The following ST8SIA5 variants were observed in gnomAD, a reference collection of about 807,000 sequenced individuals.
ST8SIA5 encodes the protein alpha-2,8-sialyltransferase 8E.
In ST8SIA5, 24 loss-of-function variants were observed where a neutral mutation model predicts 40.2. The ratio of observed to expected loss-of-function variants is 0.60; its 90% CI spans 0.43 to 0.84. ST8SIA5 has a LOEUF of 0.84. Ranked by LOEUF, ST8SIA5 falls within the 40% of genes least tolerant of loss-of-function variation. The pLI is 0.00. For missense variants in ST8SIA5, 465 were observed against 498.5 expected (o/e 0.93, Z 0.64); for synonymous variants, 198 against 201.8 (o/e 0.98, Z 0.16).
intron 4 of ST8SIA5, among the ~76,000 whole-genome samples, chr18:46,687,096 G>T (rs1440556764): frequency 6.6e-6 from 1 of 152,184 alleles, no homozygotes; most frequent in African/African-American, 2.4e-5. Context: ...ACTACATACA[G>T]CCCGTGGGCC....
chr18:46,700,696 C>A (rs1237377782), intron 2 of ST8SIA5, among the ~76,000 whole-genome samples: 1 of 152,134 alleles, frequency 6.6e-6, no homozygotes, highest in African/African-American at 2.4e-5. Flanking sequence ...CCAGCTCAGC[C>A]AGGGGCCCCA....
chr18:46,740,754 C>A (rs1010090244), intron 1 of ST8SIA5, among the ~76,000 whole-genome samples: 1 of 152,156 alleles, frequency 6.6e-6, no homozygotes, highest in South Asian at 2.1e-4. Context: ...AATTACTTAA[C>A]CTCACTGTGG....
rs2039341378 is a variant in ST8SIA5 at position 46,676,706 on chromosome 18, C to T, written c.*3336G>A. The T allele has an allele frequency of 6.6e-6, 1 of 152,170 alleles. No individual in the cohort carries two copies. Among genetic ancestry groups the T allele is most frequent in the Non-Finnish European group, 1.5e-5 (1 of 68,038 alleles). 9.4% of individuals were successfully genotyped at this position (152,170 alleles called of 1,614,324 possible). A position where few individuals can be genotyped will look rare whatever the true frequency, so the allele number is the denominator to read the frequency against. On this transcript the variant is annotated 3_prime_UTR_variant, in exon 7 of 7. Coordinates refer to ENST00000315087, the MANE Select transcript of ST8SIA5 (RefSeq NM_013305.6). ...CAAGCCTGGAGCAGTGGGTTTAGCA[C>T]AAAGGAAGACATGATGGTTGTTTTG...
intron 1 of ST8SIA5, among the ~76,000 whole-genome samples, chr18:46,750,030 A>C (rs1325184472): frequency 1.3e-5 from 2 of 152,220 alleles, no homozygotes; most frequent in Non-Finnish European, 2.9e-5. Context: ...CTTGAGCAGG[A>C]GAAACAAACA....
chr18:46,713,109 C>T (rs958839709), intron 1 of ST8SIA5, among the ~76,000 whole-genome samples: 4 of 151,988 alleles, frequency 2.6e-5, no homozygotes, highest in East Asian at 1.9e-4. Context: ...AGAGGAACAA[C>T]GTGATCTGAT....
intron 1 of ST8SIA5, among the ~76,000 whole-genome samples, chr18:46,710,465 T>C (rs1278401678): frequency 4.0e-5 from 6 of 148,850 alleles, no homozygotes. Context: ...CTTTCCTTCC[T>C]TCCTTCTCCC....
At chr18:46,714,619 G>A (rs890770180) in intron 1 of ST8SIA5, among the ~76,000 whole-genome samples, 12 of 152,134 alleles carry the variant, frequency 7.9e-5, no homozygotes, top group East Asian at 1.9e-4. Flanking sequence ...ATCCCCCCAC[G>A]GAAGTGCTGT....
rs2040246689 is a variant in ST8SIA5 at position 46,756,385 on chromosome 18, T to C, written c.124A>G (p.Ile42Val). 1.2e-6 allele frequency: 2 copies of C among 1,612,168 alleles called. No homozygotes were observed. The highest frequency in any genetic ancestry group is 2.7e-5 in the African/African-American group (2 of 74,768). Residue 42 changes from isoleucine to valine, a missense_variant, in exon 1 of 7, where the codon ATT (isoleucine) becomes GTT (valine). Ile to Val is a conservative substitution (Grantham distance 29). Transcript: ENST00000315087. ...CTCAATGGACTTTCTTACCTCTTAA[T>C]GTAGTTCCTGCCATACAGGATCTGT... ...LQQILYGRNY[I>V]KRYFEFYEGP...
At position 46,680,160 on chromosome 18, in the gene ST8SIA5, T is replaced by C. The variant is rs1417995062; in HGVS notation, c.1013A>G (p.Tyr338Cys). The C allele has an allele frequency of 6.2e-7, 1 of 1,614,080 alleles. No homozygotes were observed. The highest frequency in any genetic ancestry group is 1.3e-5 in the African/African-American group (1 of 74,944). Residue 338 changes from tyrosine to cysteine, a missense_variant, in exon 7 of 7, where the codon TAT (tyrosine) becomes TGT (cysteine). Physicochemically the swap from Tyr to Cys is radical, Grantham distance 194. Coordinates refer to ENST00000315087, the MANE Select transcript of ST8SIA5 (RefSeq NM_013305.6). The part of the protein sequence containing the change: ...PSGLYITHHY[Y>C]DNVKPRPGFH... ...GCCGGGACGCGGCTTGACGTTGTCATAGTAGTGGTGAGTGATGTAGAGGCC... is the reference window on the plus strand; with the variant it reads ...GCCGGGACGCGGCTTGACGTTGTCACAGTAGTGGTGAGTGATGTAGAGGCC...
intron 1 of ST8SIA5, among the ~76,000 whole-genome samples, chr18:46,736,809 G>T (rs941237212): frequency 6.6e-6 from 1 of 151,886 alleles, no homozygotes; most frequent in African/African-American, 2.4e-5. Context: ...GACACCCCCC[G>T]CTGACCCAGT....
chr18:46,700,885 T>C (rs2039606637), intron 2 of ST8SIA5, among the ~76,000 whole-genome samples: 2 of 152,154 alleles, frequency 1.3e-5, no homozygotes, highest in African/African-American at 4.8e-5. Context: ...CATGTTCCTC[T>C]CTAAAGAGAG....
At chr18:46,692,041 C>G (rs2039510679) in intron 3 of ST8SIA5, 128 bp downstream of exon 3, 3 of 948,400 alleles carry the variant, frequency 3.2e-6, no homozygotes, top group Non-Finnish European at 5.0e-6. Flanking sequence ...GATTCCTAAG[C>G]CCAGTCAGGG....
At position 46,672,584 on chromosome 18, in the gene ST8SIA5, G is replaced by A. The variant is rs758389072; in HGVS notation, c.*7458C>T. Reference sequence around the variant, plus strand: ...TGGCCAACAGCTAAGTCATGGAAGTGTATGTTTTTGCTTTTGGTTTTTTTC... The same window carrying A: ...TGGCCAACAGCTAAGTCATGGAAGTATATGTTTTTGCTTTTGGTTTTTTTC... On this transcript the variant is annotated 3_prime_UTR_variant, in exon 7 of 7. Transcript: ENST00000315087. 2.7e-5 allele frequency: 4 copies of A among 150,268 alleles called. No homozygotes were observed. The East Asian group carries it at 7.9e-4, about 30-fold the overall frequency. 9.3% of individuals were successfully genotyped at this position (150,268 alleles called of 1,614,324 possible). A position where few individuals can be genotyped will look rare whatever the true frequency, so the allele number is the denominator to read the frequency against.
At position 46,756,695 on chromosome 18, in the gene ST8SIA5, G is replaced by T; in HGVS notation, c.-187C>A. On this transcript the variant is annotated 5_prime_UTR_variant, in exon 1 of 7. Transcript: ENST00000315087. ...CTGGGGGCATCCAAGCGTCGCAGGC[G>T]CTGGGGCGGCAAGCAGGACAGGGCC... 1 of 649,218 alleles carries T rather than the reference G, an allele frequency of 1.5e-6. No homozygotes were observed. Among genetic ancestry groups the T allele is most frequent in the Non-Finnish European group, 2.5e-6 (1 of 401,200 alleles). 40.2% of individuals were successfully genotyped at this position (649,218 alleles called of 1,614,324 possible).
At chr18:46,690,930 C>T (rs1354050744) in intron 3 of ST8SIA5, among the ~76,000 whole-genome samples, 7 of 152,208 alleles carry the variant, frequency 4.6e-5, no homozygotes, top group African/African-American at 1.7e-4. Flanking sequence ...GCTGAGACTT[C>T]TATTCTGCCC....
intron 1 of ST8SIA5, among the ~76,000 whole-genome samples, chr18:46,741,762 C>T (rs1362378195): frequency 1.3e-5 from 2 of 152,174 alleles, no homozygotes; most frequent in Non-Finnish European, 2.9e-5. Flanking sequence ...AAAAACTACA[C>T]ACCATTCAAT....
At position 46,680,181 on chromosome 18, in the gene ST8SIA5, A is replaced by G. The variant is rs1413633128; in HGVS notation, c.992T>C (p.Leu331Pro). ...GTCATAGTAGTGGTGAGTGATGTAG[A>G]GGCCCGAGGGGTTCATGGGGAAGGC... ...FWAFPMNPSG[L>P]YITHHYYDNV... Residue 331 changes from leucine (L) to proline (P), a missense_variant, in exon 7 of 7, where the codon CTC becomes CCC. Transcript: ENST00000315087. 1 of 1,614,222 alleles carries G rather than the reference A, an allele frequency of 6.2e-7. No homozygotes were observed. The highest frequency in any genetic ancestry group is 1.1e-5 in the South Asian group (1 of 91,082).
rs1274598306 is a variant in ST8SIA5, at chr18:46,680,364, G to A, written c.809C>T (p.Ser270Leu). The A allele has an allele frequency of 3.1e-6, 5 of 1,614,008 alleles. No homozygotes were observed. The highest frequency in any genetic ancestry group is 4.2e-6 in the Non-Finnish European group (5 of 1,179,992). ...RVKYVLDDFE[S>L]PQAVYYFHPQ... ...ATGGAAGTAGTAGACAGCTTGCGGC[G>A]ATTCGAAGTCGTCCAGCACGTACTT... Residue 270 changes from serine (S) to leucine (L), a missense_variant, in exon 7 of 7, where the codon TCG becomes TTG. By Grantham distance (145) the Ser-to-Leu change is moderately radical. Transcript: ENST00000315087.
rs1040479076 is a variant in ST8SIA5, at chr18:46,675,205, G to A, written c.*4837C>T. 2.6e-5 allele frequency: 4 copies of A among 152,418 alleles called. No homozygotes were observed. Among genetic ancestry groups the A allele is most frequent in the African/African-American group, 9.6e-5 (4 of 41,582 alleles). The allele number at this position is 152,418 out of a possible 1,614,324, so 9.4% of individuals were successfully genotyped here. Reference sequence around the variant, plus strand: ...AGTGAAGGAGAAGGAAGAGGCAAAGGTGATCCAAGTTTTGGGCCAAGGCAA... The same window carrying A: ...AGTGAAGGAGAAGGAAGAGGCAAAGATGATCCAAGTTTTGGGCCAAGGCAA... On this transcript the variant is annotated 3_prime_UTR_variant, in exon 7 of 7. Coordinates refer to ENST00000315087, the MANE Select transcript of ST8SIA5 (RefSeq NM_013305.6).
Sources: allele counts gnomAD v4.1 joint callset (sites outside exome capture counted in the v4.1 genomes callset), GRCh38; gene constraint gnomAD v4.1.1; transcripts MANE v1.5; gene names NCBI Gene and HGNC (gene_info 2026-07-23, HGNC 2026-07-21).